Variants in ANKRD44 observed in about 807,000 individuals in gnomAD.
The protein encoded by ANKRD44 is ankyrin repeat domain 44, also known as serine/threonine-protein phosphatase 6 regulatory ankyrin repeat subunit B.
Under a neutral mutation model 116.0 loss-of-function variants are expected in ANKRD44, and 35 were observed. The ratio of observed to expected loss-of-function variants is 0.30; its 90% CI spans 0.23 to 0.40. The LOEUF is 0.40. ANKRD44 is among the 10% of genes least tolerant of loss of function. ANKRD44 has a pLI of 1.00. For synonymous variants in ANKRD44, 435 were observed against 461.8 expected, an observed-to-expected ratio of 0.94 and a Z score of 0.74; for missense variants, 1,014 against 1,242.6, an observed-to-expected ratio of 0.82 and a Z score of 2.77.
At chr2:197,112,715 AAAAAAAAG>A (rs1379925738) in intron 8 of ANKRD44, among the ~76,000 whole-genome samples, 10 of 148,192 alleles carry the variant, frequency 6.7e-5, no homozygotes, top group Non-Finnish European at 1.2e-4. Flanking sequence ...CTCAAAAAAA[AAAAAAAAG>A]AAAAAAAGAA....
intron 22 of ANKRD44, among the ~76,000 whole-genome samples, chr2:197,001,150 T>C (rs1011759442): frequency 1.3e-5 from 2 of 152,262 alleles, no homozygotes; most frequent in African/African-American, 4.8e-5. Flanking sequence ...CTCAGTTTCA[T>C]ATAAAGGCCA....
chr2:197,308,449 C>G (rs923931921), intron 1 of ANKRD44, among the ~76,000 whole-genome samples: 1 of 152,162 alleles, frequency 6.6e-6, no homozygotes, highest in Admixed American at 6.5e-5. Context: ...CTTCCTGGAC[C>G]TAAAGCTACA....
At chr2:197,298,249 C>T (rs1032941787) in intron 1 of ANKRD44, among the ~76,000 whole-genome samples, 6 of 152,164 alleles carry the variant, frequency 3.9e-5, no homozygotes, top group African/African-American at 1.4e-4. Flanking sequence ...TGTAAGAAAG[C>T]GATTTTTGGC....
intron 2 of ANKRD44, among the ~76,000 whole-genome samples, chr2:197,170,467 A>C (rs1344782122): frequency 6.6e-6 from 1 of 152,238 alleles, no homozygotes; most frequent in Non-Finnish European, 1.5e-5. Context: ...TGCTGTCATA[A>C]TGTAGTCTTC....
intron 16 of ANKRD44, among the ~76,000 whole-genome samples, chr2:197,025,514 A>G (rs1331836398): frequency 6.6e-6 from 1 of 152,248 alleles, no homozygotes; most frequent in Admixed American, 6.5e-5. Flanking sequence ...ATAATAACGA[A>G]AAAAATAAGA....
In ANKRD44 at chr2:197,203,322, G is replaced by T. The variant is rs990240997; in HGVS notation, c.28-16216C>A. Among the ~76,000 whole-genome samples, 1 of 152,116 alleles carries T rather than the reference G, an allele frequency of 6.6e-6. No individual in the cohort carries two copies. The highest frequency in any genetic ancestry group is 1.5e-5 in the Non-Finnish European group (1 of 68,026). On this transcript the variant is annotated intron_variant, in intron 1 of 27. Transcript: ENST00000282272. This position sits in a 1 kb window ranked among gnomAD's most constrained non-coding sequence, Gnocchi z 4.1. ...CAAATGGCCAAAAAGCACATGAAAAGATGCTTAACATCAGTCTTTAGAGAA... is the reference window on the plus strand; with the variant it reads ...CAAATGGCCAAAAAGCACATGAAAATATGCTTAACATCAGTCTTTAGAGAA...
rs566253718 is a variant in ANKRD44 at position 197,017,070 on chromosome 2, G to A, written c.1723-3358C>T. The stretch of plus-strand genomic sequence containing the variant: ...ACCTACCAGATTGGCAATGATTAAA[G>A]TTTGGTCATGCCCAGTATTAGATAA... On this transcript the variant is annotated intron_variant, in intron 17 of 27. Coordinates refer to ENST00000282272, the MANE Select transcript of ANKRD44 (RefSeq NM_001195144.2). Among the ~76,000 whole-genome samples, 11 of 152,296 alleles carry A rather than the reference G, an allele frequency of 7.2e-5. No individual in the cohort carries two copies. The South Asian group carries it at 2.3e-3, about 32-fold the overall frequency.
chr2:197,179,980 T>C (rs943925742), intron 2 of ANKRD44, among the ~76,000 whole-genome samples: 9 of 152,096 alleles, frequency 5.9e-5, no homozygotes, highest in African/African-American at 2.2e-4. Context: ...TTGTCAGGCA[T>C]GTGCTGAGAG....
At chr2:197,005,484 T>C (rs2076185269) in intron 21 of ANKRD44, among the ~76,000 whole-genome samples, 1 of 152,164 alleles carries the variant, frequency 6.6e-6, no homozygotes, top group South Asian at 2.1e-4. Flanking sequence ...AAGGGGAAAG[T>C]GAACTTTTAC....
intron 2 of ANKRD44, among the ~76,000 whole-genome samples, chr2:197,155,863 A>T (rs1251870116): frequency 6.6e-6 from 1 of 152,214 alleles, no homozygotes; most frequent in Non-Finnish European, 1.5e-5. Context: ...CACACTGGTA[A>T]GAGAATGAAG....
intron 16 of ANKRD44, among the ~76,000 whole-genome samples, chr2:197,049,003 A>T (rs529785302): frequency 3.3e-5 from 5 of 151,760 alleles, no homozygotes; most frequent in African/African-American, 1.2e-4. Flanking sequence ...GTGTCTGTTC[A>T]TATCCTTTAG....
chr2:197,223,752 G>A (rs778600608), intron 1 of ANKRD44, among the ~76,000 whole-genome samples: 5 of 152,148 alleles, frequency 3.3e-5, no homozygotes, highest in Non-Finnish European at 7.3e-5. Context: ...TACACTCCCA[G>A]GAGCACTGTA....
chr2:197,309,896 A>T (rs1472155794), intron 1 of ANKRD44, among the ~76,000 whole-genome samples: 8 of 152,142 alleles, frequency 5.3e-5, no homozygotes, highest in Non-Finnish European at 1.2e-4. Context: ...GTGGTGTCTC[A>T]GCAAGGAAAG....
intron 1 of ANKRD44, among the ~76,000 whole-genome samples, chr2:197,294,704 T>G (rs977965043): frequency 1.3e-5 from 2 of 152,212 alleles, no homozygotes; most frequent in African/African-American, 4.8e-5. Flanking sequence ...AGCTTTAAGA[T>G]TTATTTTTAA....
chr2:197,146,924 A>G (rs1319307557), intron 3 of ANKRD44, 103 bp downstream of exon 3: 1 of 916,366 alleles, frequency 1.1e-6, no homozygotes, highest in Admixed American at 2.5e-5. Context: ...TTCCATGAAC[A>G]TAACAAAGGA....
At chr2:196,998,536 T>C (rs879519413) in intron 24 of ANKRD44, 117 bp from the exon 25 acceptor site, 14 of 761,074 alleles carry the variant, frequency 1.8e-5, no homozygotes, top group Non-Finnish European at 2.6e-5. Flanking sequence ...ATAATCATAT[T>C]TAATGTATTT....
intron 1 of ANKRD44, among the ~76,000 whole-genome samples, chr2:197,288,737 G>A (rs1350167436): frequency 6.6e-6 from 1 of 152,036 alleles, no homozygotes; most frequent in African/African-American, 2.4e-5. Flanking sequence ...ATGAAATCAT[G>A]TCACTTGCAG....
chr2:197,270,831 C>G (rs552166133), intron 1 of ANKRD44, among the ~76,000 whole-genome samples: 3 of 152,274 alleles, frequency 2.0e-5, no homozygotes, highest in Non-Finnish European at 2.9e-5. Context: ...ATGAGCAGAC[C>G]AAGGAAGAGT....
intron 1 of ANKRD44, among the ~76,000 whole-genome samples, chr2:197,248,638 T>C (rs1159053579): frequency 6.6e-6 from 1 of 150,956 alleles, no homozygotes; most frequent in Non-Finnish European, 1.5e-5. Context: ...GAGACATAGA[T>C]ATAGCTCCTA....
Sources: gnomAD v4.1 joint callset for allele counts (sites outside exome capture counted in the v4.1 genomes callset) on GRCh38, gnomAD v4.1.1 for gene constraint, Gnocchi (gnomAD v3.1) non-coding constraint, MANE v1.5 for transcripts, NCBI Gene and HGNC (gene_info 2026-07-23, HGNC 2026-07-21) for gene names.